The following LRRC14 variants were observed in gnomAD, a reference collection of about 807,000 sequenced individuals.
LRRC14 encodes leucine-rich repeat-containing protein 14.
LRRC14 carries 16 observed loss-of-function variants against 25.3 expected under a neutral mutation model. That is an observed-to-expected ratio of 0.63 (90% confidence interval 0.43 to 0.96). The LOEUF is 0.96. Ranked by LOEUF, LRRC14 falls within the 40% of genes least tolerant of loss-of-function variation. The pLI, the probability that LRRC14 is intolerant of heterozygous loss-of-function variation, is 0.00. For missense variants in LRRC14, 594 were observed against 660.5 expected (o/e 0.90, Z 1.10); for synonymous variants, 359 against 295.1 (o/e 1.22, Z -2.22).
Position 144,525,016 on chromosome 8 carries a change from C to T in LRRC14, c.*3538C>T. 2.1e-6 allele frequency: 3 copies of T among 1,399,024 alleles called. No homozygotes were observed. Among genetic ancestry groups the T allele is most frequent in the Non-Finnish European group, 1.9e-6 (2 of 1,080,020 alleles). 86.7% of individuals were successfully genotyped at this position (1,399,024 alleles called of 1,614,324 possible). ...CCTCACCGGCCCTTCCGCGGTTCAG[C>T]CGCAGACGCGTGCCCTCCTGAAACA... On this transcript the variant is annotated 3_prime_UTR_variant, in exon 4 of 4. Coordinates refer to ENST00000292524, the MANE Select transcript of LRRC14 (RefSeq NM_014665.4).
Position 144,524,378 on chromosome 8 carries a change from C to T in LRRC14, c.*2900C>T, listed in dbSNP as rs755589870. On this transcript the variant is annotated 3_prime_UTR_variant, in exon 4 of 4. Transcript: ENST00000292524. ...GACTGGGTTGCCTTTTCTAACTATT[C>T]CAGCCCTACAGGGCGAGGGGCCATA... 21 of 1,594,086 alleles carry T rather than the reference C, an allele frequency of 1.3e-5. 1 individual carries two copies. The highest frequency in any genetic ancestry group is 2.2e-5 in the East Asian group (1 of 44,780).
rs1440264595 is a variant in LRRC14 at position 144,522,975 on chromosome 8, A to C, written c.*1497A>C. ...ACGCGGGCAGCGCCGCCGGCGTTGG[A>C]GGCCTCGCACTCGTACTTACCGGCG... is the stretch of plus-strand genomic sequence containing the variant. On this transcript the variant is annotated 3_prime_UTR_variant, in exon 4 of 4. Coordinates refer to ENST00000292524, the MANE Select transcript of LRRC14 (RefSeq NM_014665.4). The C allele has an allele frequency of 6.3e-7, 1 of 1,587,812 alleles. No homozygotes were observed. The highest frequency in any genetic ancestry group is 1.1e-5 in the South Asian group (1 of 90,022).
rs1287020404 is a variant in LRRC14, at chr8:144,524,772, C to T, written c.*3294C>T. ...TACCCCGTTGCGGGGGTCTTCCTCT[C>T]CCTGGGGGCACCCCGTCCTCCCGCA... On this transcript the variant is annotated 3_prime_UTR_variant, in exon 4 of 4. Coordinates refer to ENST00000292524, the MANE Select transcript of LRRC14 (RefSeq NM_014665.4). 7.0e-7 allele frequency: 1 copy of T among 1,436,150 alleles called. No individual in the cohort carries two copies. The highest frequency in any genetic ancestry group is 9.1e-7 in the Non-Finnish European group (1 of 1,099,876). 89.0% of individuals were successfully genotyped at this position (1,436,150 alleles called of 1,614,324 possible). A position where few individuals can be genotyped will look rare whatever the true frequency, so the allele number is the denominator to read the frequency against.
rs1034681331 is a variant in LRRC14, at chr8:144,522,697, C to A, written c.*1219C>A. 1.5e-5 allele frequency: 24 copies of A among 1,595,602 alleles called. No homozygotes were observed. The highest frequency in any genetic ancestry group is 2.0e-5 in the Non-Finnish European group (24 of 1,172,300). ...AGTCGTTGACGAACAGCGCTCCCTCCCCCGGAGGCCCCCGCGCCTTTTTTC... is the reference window on the plus strand; with the variant it reads ...AGTCGTTGACGAACAGCGCTCCCTCACCCGGAGGCCCCCGCGCCTTTTTTC... On this transcript the variant is annotated 3_prime_UTR_variant, in exon 4 of 4. Coordinates refer to ENST00000292524, the MANE Select transcript of LRRC14 (RefSeq NM_014665.4).
chr8:144,520,191 A>G (rs971923168), intron 2 of LRRC14, 47 bp from the exon 3 acceptor site: 2 of 1,586,046 alleles, frequency 1.3e-6, no homozygotes, highest in African/African-American at 2.7e-5. Context: ...GGGAGGGGGT[A>G]TGGGCGCTGC....
At position 144,523,812 on chromosome 8, in the gene LRRC14, C is replaced by T. The variant is rs1176702499; in HGVS notation, c.*2334C>T. The T allele has an allele frequency of 6.5e-6, 3 of 464,412 alleles. No individual in the cohort carries two copies. The highest frequency in any genetic ancestry group is 1.1e-5 in the Non-Finnish European group (3 of 262,346). 28.8% of individuals were successfully genotyped at this position (464,412 alleles called of 1,614,324 possible). On this transcript the variant is annotated 3_prime_UTR_variant, in exon 4 of 4. Transcript: ENST00000292524. ...TCTTGGGAATGTCCCCAGTCCTGGTCAGCTGTCTCTCTCCTTTGCAATTTT... is the reference window on the plus strand; with the variant it reads ...TCTTGGGAATGTCCCCAGTCCTGGTTAGCTGTCTCTCTCCTTTGCAATTTT...
In LRRC14 at chr8:144,522,183, C is replaced by G. The variant is rs1816113839; in HGVS notation, c.*705C>G. On this transcript the variant is annotated 3_prime_UTR_variant, in exon 4 of 4. Coordinates refer to ENST00000292524, the MANE Select transcript of LRRC14 (RefSeq NM_014665.4). ...ACTGCCGGCCAGTCCTTGCTCTTCC[C>G]ACCTTTCGGAGGCCCAAGATCCTAC... 4 of 387,226 alleles carry G rather than the reference C, an allele frequency of 1.0e-5. No homozygotes were observed. Among genetic ancestry groups the G allele is most frequent in the Non-Finnish European group, 1.8e-5 (4 of 219,568 alleles). The allele number at this position is 387,226 out of a possible 1,614,324, so 24.0% of individuals were successfully genotyped here.
intron 1 of LRRC14, 48 bp from the exon 2 acceptor site, chr8:144,519,567 G>C (rs1815831860): frequency 6.1e-6 from 4 of 652,944 alleles, no homozygotes; most frequent in South Asian, 5.5e-5. Flanking sequence ...GCATCTAATA[G>C]GTGCTTCTCT....
Position 144,521,307 on chromosome 8 carries a change from C to T in LRRC14, c.1311C>T (p.Gly437=). Residue 437 remains glycine (G), a synonymous_variant, in exon 4 of 4, where the codon GGC becomes GGT. Coordinates refer to ENST00000292524, the MANE Select transcript of LRRC14 (RefSeq NM_014665.4). The part of the protein sequence containing the change: ...VHPFPVDCYE[G]LPWPPPASVL... ...CCTTCCCTGTGGACTGCTATGAGGGCTTGCCCTGGCCGCCGCCTGCCTCTG... is the reference window on the plus strand; with the variant it reads ...CCTTCCCTGTGGACTGCTATGAGGGTTTGCCCTGGCCGCCGCCTGCCTCTG... The T allele has an allele frequency of 6.2e-7, 1 of 1,613,048 alleles. No homozygotes were observed. Among genetic ancestry groups the T allele is most frequent in the Non-Finnish European group, 8.5e-7 (1 of 1,180,006 alleles).
rs756757426 is a variant in LRRC14, at chr8:144,523,087, T to C, written c.*1609T>C. Reference sequence around the variant, plus strand: ...CGCCCAGGCCCAGCAACCCGCCTTCTAGCTGGGCCTGGGCTCGCGGCCGGC... The same window carrying C: ...CGCCCAGGCCCAGCAACCCGCCTTCCAGCTGGGCCTGGGCTCGCGGCCGGC... On this transcript the variant is annotated 3_prime_UTR_variant, in exon 4 of 4. Coordinates refer to ENST00000292524, the MANE Select transcript of LRRC14 (RefSeq NM_014665.4). 32 of 1,608,156 alleles carry C rather than the reference T, an allele frequency of 2.0e-5. No individual in the cohort carries two copies. Among genetic ancestry groups the C allele is most frequent in the Middle Eastern group, 3.3e-4 (2 of 6,070 alleles).
At position 144,520,353 on chromosome 8, in the gene LRRC14, GCC is replaced by G. The variant is rs753183099; in HGVS notation, c.447_448del (p.Gln150AlafsTer53). 6.2e-7 allele frequency: 1 copy of G among 1,611,962 alleles called. No homozygotes were observed. The highest frequency in any genetic ancestry group is 1.7e-5 in the Admixed American group (1 of 60,002). ...CTAAVARTCI[A>X]QQQGGAAEPG... ...TGCTGCCGTAGCTCGCACATGCATTGCCCAGCAGCAGGGTGGGGCCGCAGAGC... is the reference window on the plus strand; with the variant it reads ...TGCTGCCGTAGCTCGCACATGCATTGCAGCAGCAGGGTGGGGCCGCAGAGC... On this transcript the variant is annotated frameshift_variant, in exon 3 of 4. Coordinates refer to ENST00000292524, the MANE Select transcript of LRRC14 (RefSeq NM_014665.4). LOFTEE classifies it high-confidence loss of function.
rs759721869 is a variant in LRRC14 at position 144,523,141 on chromosome 8, G to A, written c.*1663G>A. 12 of 1,610,806 alleles carry A rather than the reference G, an allele frequency of 7.4e-6. No individual in the cohort carries two copies. The highest frequency in any genetic ancestry group is 1.0e-5 in the Non-Finnish European group (12 of 1,179,474). ...CGCGAGGCTGGGGCACCTTTCTCCA[G>A]GTCACCAATGGCTGCGGGTAGCCGG... On this transcript the variant is annotated 3_prime_UTR_variant, in exon 4 of 4. Coordinates refer to ENST00000292524, the MANE Select transcript of LRRC14 (RefSeq NM_014665.4).
rs1325443952 is a variant in LRRC14, at chr8:144,524,508, A to G, written c.*3030A>G. 6.3e-7 allele frequency: 1 copy of G among 1,596,364 alleles called. No homozygotes were observed. The highest frequency in any genetic ancestry group is 8.5e-7 in the Non-Finnish European group (1 of 1,179,360). ...GTTGCCCGCCAGGTAGAGCACGCGC[A>G]GCTGGGCCAGGCCTACGAAGGCGCC... On this transcript the variant is annotated 3_prime_UTR_variant, in exon 4 of 4. Coordinates refer to ENST00000292524, the MANE Select transcript of LRRC14 (RefSeq NM_014665.4).
chr8:144,522,363 G>GC lies in LRRC14; in HGVS notation c.*889dup. ...CCCGAGTGCAACGTTCCCGGCTCGC[G>GC]CCCCACACACGGCTCAGCGCACACT... is the stretch of plus-strand genomic sequence containing the variant. On this transcript the variant is annotated 3_prime_UTR_variant, in exon 4 of 4. Coordinates refer to ENST00000292524, the MANE Select transcript of LRRC14 (RefSeq NM_014665.4). The GC allele has an allele frequency of 7.6e-7, 1 of 1,316,948 alleles. No homozygotes were observed. Among genetic ancestry groups the GC allele is most frequent in the Non-Finnish European group, 9.7e-7 (1 of 1,033,962 alleles). 81.6% of individuals were successfully genotyped at this position (1,316,948 alleles called of 1,614,324 possible).
chr8:144,524,026 A>C lies in LRRC14; in HGVS notation c.*2548A>C. 1 of 1,478,260 alleles carries C rather than the reference A, an allele frequency of 6.8e-7. No individual in the cohort carries two copies. Among genetic ancestry groups the C allele is most frequent in the East Asian group, 2.3e-5 (1 of 43,612 alleles). 91.6% of individuals were successfully genotyped at this position (1,478,260 alleles called of 1,614,324 possible). ...TTCCAGACTGCTGCCCAGTTGCCTG[A>C]TGTCAGAGCCCCTCCACACATGAGC... On this transcript the variant is annotated 3_prime_UTR_variant, in exon 4 of 4. Coordinates refer to ENST00000292524, the MANE Select transcript of LRRC14 (RefSeq NM_014665.4).
Position 144,521,567 on chromosome 8 carries a change from A to G in LRRC14, c.*89A>G, listed in dbSNP as rs1816063116. ...TGGGACCCCTGGTGGAGGCCTTCAC[A>G]AAAGCACTGGTTACTGGTTTCCTGC... On this transcript the variant is annotated 3_prime_UTR_variant, in exon 4 of 4. Transcript: ENST00000292524. 1.5e-6 allele frequency: 2 copies of G among 1,304,320 alleles called. No individual in the cohort carries two copies. Among genetic ancestry groups the G allele is most frequent in the African/African-American group, 1.5e-5 (1 of 67,690 alleles). The allele number at this position is 1,304,320 out of a possible 1,614,324, so 80.8% of individuals were successfully genotyped here.
chr8:144,522,463 G>T lies in LRRC14; in HGVS notation c.*985G>T. 3.6e-6 allele frequency: 5 copies of T among 1,404,826 alleles called. No individual in the cohort carries two copies. In the South Asian group the frequency reaches 7.8e-5, roughly 22 times the overall value. The allele number at this position is 1,404,826 out of a possible 1,614,324, so 87.0% of individuals were successfully genotyped here. Reference sequence around the variant, plus strand: ...AATCTCCGGCGCCCACGTCATCCGCGCGCCCGCGGCCCTAGCAGTGGATCT... The same window carrying T: ...AATCTCCGGCGCCCACGTCATCCGCTCGCCCGCGGCCCTAGCAGTGGATCT... On this transcript the variant is annotated 3_prime_UTR_variant, in exon 4 of 4. Transcript: ENST00000292524.
Position 144,522,536 on chromosome 8 carries a change from T to G in LRRC14, c.*1058T>G, listed in dbSNP as rs13277542. 0.48 allele frequency: 729,301 copies of G among 1,518,486 alleles called. 181,327 individuals carry two copies. Among genetic ancestry groups the G allele is most frequent in the South Asian group, 0.61 (49,362 of 80,788 alleles). The allele number at this position is 1,518,486 out of a possible 1,614,324, so 94.1% of individuals were successfully genotyped here. On this transcript the variant is annotated 3_prime_UTR_variant, in exon 4 of 4. Coordinates refer to ENST00000292524, the MANE Select transcript of LRRC14 (RefSeq NM_014665.4). ...GCGGAGTCCCGGCCCCGCCCCCTGT[T>G]CCGGGCCGCAGTCAGCGGGCGCCTC...
chr8:144,525,085 A>G lies in LRRC14; in HGVS notation c.*3607A>G. The G allele has an allele frequency of 8.0e-7, 1 of 1,245,004 alleles. No homozygotes were observed. The highest frequency in any genetic ancestry group is 1.0e-6 in the Non-Finnish European group (1 of 964,720). 77.1% of individuals were successfully genotyped at this position (1,245,004 alleles called of 1,614,324 possible). ...TCGGCAGTCGAGAGCCAGCCAATAG[A>G]TGGAATGGAGGCCTGCACCTGCGTC... is the stretch of plus-strand genomic sequence containing the variant. On this transcript the variant is annotated 3_prime_UTR_variant, in exon 4 of 4. Coordinates refer to ENST00000292524, the MANE Select transcript of LRRC14 (RefSeq NM_014665.4).
Sources: gnomAD v4.1 joint callset for allele counts on GRCh38, gnomAD v4.1.1 for gene constraint, MANE v1.5 for transcripts, NCBI Gene and HGNC (gene_info 2026-07-23, HGNC 2026-07-21) for gene names.